AEBP2: variants seen among roughly 807,000 people sequenced by gnomAD.
AEBP2 encodes the protein AE binding protein 2.
In AEBP2, 10 loss-of-function variants were observed where a neutral mutation model predicts 50.8. The observed-to-expected ratio is 0.20, with a 90% CI of 0.12 to 0.33. The LOEUF (loss-of-function observed/expected upper bound fraction) is 0.33. AEBP2 is among the 10% of genes least tolerant of loss of function. AEBP2 has a pLI of 1.00. For synonymous variants in AEBP2, 296 were observed against 261.3 expected (o/e 1.13, Z -1.28); for missense variants, 570 against 688.0 (o/e 0.83, Z 1.92).
At chr12:19,446,732 CA>C (rs34624474) in intron 1 of AEBP2, among the ~76,000 whole-genome samples, 11,465 of 114,818 alleles carry the variant, frequency 0.1, 389 homozygotes, top group Middle Eastern at 0.14. Context: ...ACTCCGTTTC[CA>C]AAAAAAAAAA....
Position 19,504,345 on chromosome 12 carries a change from C to T in AEBP2, c.1299+4124C>T, listed in dbSNP as rs1949124509. 4.0e-5 allele frequency among the ~76,000 whole-genome samples: 6 copies of T among 151,490 alleles called. No homozygotes were observed. The South Asian group carries it at 1.3e-3, about 32-fold the overall frequency. On this transcript the variant is annotated intron_variant, in intron 5 of 7. Coordinates refer to ENST00000266508, the MANE Select transcript of AEBP2 (RefSeq NM_153207.5). The stretch of plus-strand genomic sequence containing the variant: ...CGCCTCCCAGGTTCACACCATTCTC[C>T]TGCCTCAGCCTCCCGAGTAGCTGGG...
At chr12:19,423,266 T>C (rs1460891585) in intron 1 of AEBP2, among the ~76,000 whole-genome samples, 1 of 152,008 alleles carries the variant, frequency 6.6e-6, no homozygotes, top group East Asian at 1.9e-4. Context: ...CTAAGTTCTA[T>C]TTGATTTTAT....
chr12:19,455,113 C>T (rs1948244109), intron 1 of AEBP2, among the ~76,000 whole-genome samples: 1 of 151,636 alleles, frequency 6.6e-6, no homozygotes. Context: ...CTCACCTTAG[C>T]CTCCTGTGTA....
At chr12:19,426,511 G>T (rs930646795) in intron 1 of AEBP2, among the ~76,000 whole-genome samples, 2 of 152,172 alleles carry the variant, frequency 1.3e-5, no homozygotes, top group Non-Finnish European at 2.9e-5. Context: ...GGGAAATGTG[G>T]TCTCCAGCTG....
Position 19,440,373 on chromosome 12 carries a change from C to A in AEBP2, c.671+3C>A. 6.8e-7 allele frequency: 1 copy of A among 1,478,834 alleles called. No individual in the cohort carries two copies. The highest frequency in any genetic ancestry group is 1.4e-5 in the African/African-American group (1 of 70,434). 91.6% of individuals were successfully genotyped at this position (1,478,834 alleles called of 1,614,324 possible). On this transcript the variant is annotated splice_donor_region_variant and intron_variant, in intron 1 of 7. Transcript: ENST00000266508. ...AGCCGCATGGACTCGGAGGACAGGTCAGTGCTCTGAAGCGTTTCCCCTTCC... is the reference window on the plus strand; with the variant it reads ...AGCCGCATGGACTCGGAGGACAGGTAAGTGCTCTGAAGCGTTTCCCCTTCC...
At chr12:19,514,921 T>A in intron 7 of AEBP2, 137 bp downstream of exon 7, 1 of 668,358 alleles carries the variant, frequency 1.5e-6, no homozygotes, top group Non-Finnish European at 2.6e-6. Context: ...GCTTTTTTTT[T>A]TTTGGATGTG....
chr12:19,454,607 T>C (rs1419590752), intron 1 of AEBP2, among the ~76,000 whole-genome samples: 1 of 152,218 alleles, frequency 6.6e-6, no homozygotes, highest in Non-Finnish European at 1.5e-5. Context: ...TGAATGTCAA[T>C]AAATTATGCT....
intron 2 of AEBP2, among the ~76,000 whole-genome samples, chr12:19,465,180 G>A (rs757391811): frequency 1.2e-4 from 18 of 151,778 alleles, no homozygotes; most frequent in Non-Finnish European, 2.4e-4. Context: ...GGATCACGGG[G>A]TCAGGAGTTT....
chr12:19,475,224 C>G (rs568266665), intron 3 of AEBP2, among the ~76,000 whole-genome samples: 1 of 150,878 alleles, frequency 6.6e-6, no homozygotes, highest in South Asian at 2.1e-4. Context: ...TTATACCTAA[C>G]CACCCCCACC....
intron 1 of AEBP2, among the ~76,000 whole-genome samples, chr12:19,427,340 A>C (rs1366473105): frequency 7.1e-6 from 1 of 141,596 alleles, no homozygotes; most frequent in Non-Finnish European, 1.5e-5. Context: ...AGAATGTGCC[A>C]CTGCTTTCCA....
At chr12:19,432,762 A>G (rs1364286495) in intron 1 of AEBP2, among the ~76,000 whole-genome samples, 1 of 152,106 alleles carries the variant, frequency 6.6e-6, no homozygotes, top group Non-Finnish European at 1.5e-5. Flanking sequence ...TACCTAGAAT[A>G]GCAGAGCAGA....
intron 1 of AEBP2, chr12:19,440,610 C>G: frequency 1.4e-6 from 2 of 1,477,896 alleles, no homozygotes. Context: ...TCTTTCCCCT[C>G]GGCGCTTCGC....
chr12:19,471,284 A>G (rs1246489537), intron 2 of AEBP2, among the ~76,000 whole-genome samples: 5 of 151,974 alleles, frequency 3.3e-5, no homozygotes, highest in Non-Finnish European at 7.4e-5. Flanking sequence ...ATGCCTGGTT[A>G]ATTTTTGTAT....
intron 1 of AEBP2, among the ~76,000 whole-genome samples, chr12:19,412,017 G>GT (rs1314520160): frequency 1.3e-5 from 2 of 152,222 alleles, no homozygotes; most frequent in Non-Finnish European, 2.9e-5. Flanking sequence ...ACTCCTGTCC[G>GT]TAAGTGCTGC....
At chr12:19,516,983 C>T (rs1949328722) in intron 7 of AEBP2, among the ~76,000 whole-genome samples, 1 of 152,092 alleles carries the variant, frequency 6.6e-6, no homozygotes, top group Admixed American at 6.6e-5. Context: ...GCCGAGATCA[C>T]GTCCTACACT....
At chr12:19,415,350 A>AAATAT (rs1565694772) in intron 1 of AEBP2, among the ~76,000 whole-genome samples, 1 of 28,512 alleles carries the variant, frequency 3.5e-5, no homozygotes, top group Non-Finnish European at 5.6e-5. Context: ...AAAAAAAAAA[A>AAATAT]ATATATATAT....
intron 2 of AEBP2, among the ~76,000 whole-genome samples, chr12:19,463,819 C>T (rs1197356565): frequency 6.6e-6 from 1 of 151,880 alleles, no homozygotes; most frequent in Non-Finnish European, 1.5e-5. Context: ...GTGCCCGCCA[C>T]CATGCCTGGC....
chr12:19,411,836 A>T (rs2095739374), intron 1 of AEBP2, among the ~76,000 whole-genome samples: 1 of 152,244 alleles, frequency 6.6e-6, no homozygotes, highest in Non-Finnish European at 1.5e-5. Flanking sequence ...ACTCCTCATA[A>T]TAACTCTAAA....
At chr12:19,446,700 C>G (rs1370776882) in intron 1 of AEBP2, among the ~76,000 whole-genome samples, 1 of 150,082 alleles carries the variant, frequency 6.7e-6, no homozygotes. Context: ...CCACTGCACT[C>G]CAGCCTGGGC....
Sources: allele counts gnomAD v4.1 joint callset (sites outside exome capture counted in the v4.1 genomes callset), GRCh38; gene constraint gnomAD v4.1.1; transcripts MANE v1.5; gene names NCBI Gene and HGNC (gene_info 2026-07-23, HGNC 2026-07-21).